CPEB1: variants seen among roughly 807,000 people sequenced by gnomAD.
CPEB1 encodes the protein cytoplasmic polyadenylation element-binding protein 1.
In CPEB1, 7 loss-of-function variants were observed where a neutral mutation model predicts 65.8. That is an observed-to-expected ratio of 0.11 (90% CI 0.06 to 0.20). CPEB1 has a LOEUF of 0.20. CPEB1 is among the 10% of genes least tolerant of loss of function. The probability of loss-of-function intolerance (pLI) is 1.00; values close to 1 mark genes in which losing one functional copy is unlikely to be tolerated. For synonymous variants in CPEB1, 262 were observed against 260.0 expected (o/e 1.01, Z -0.08); for missense variants, 551 against 712.2 (o/e 0.77, Z 2.58).
At chr15:82,618,271 A>G (rs1367506641) in intron 3 of CPEB1, among the ~76,000 whole-genome samples, 2 of 152,218 alleles carry the variant, frequency 1.3e-5, no homozygotes, top group Non-Finnish European at 1.5e-5. Context: ...TCTCAATTTT[A>G]GACATTCTAA....
intron 3 of CPEB1, among the ~76,000 whole-genome samples, chr15:82,582,762 GAC>G (rs1282170269): frequency 9.4e-6 from 1 of 106,060 alleles, no homozygotes; most frequent in African/African-American, 3.8e-5. Flanking sequence ...TTTTTTTTGA[GAC>G]ACAGTCTCAC....
At chr15:82,604,989 G>A (rs1329065903) in intron 3 of CPEB1, among the ~76,000 whole-genome samples, 1 of 152,138 alleles carries the variant, frequency 6.6e-6, no homozygotes, top group African/African-American at 2.4e-5. Context: ...GGGCAAAACT[G>A]CAAGAGAGAA....
At chr15:82,622,477 T>G (rs1024029556) in intron 3 of CPEB1, among the ~76,000 whole-genome samples, 3 of 152,140 alleles carry the variant, frequency 2.0e-5, no homozygotes, top group African/African-American at 7.2e-5. Flanking sequence ...CTCGGCTCAC[T>G]GCAACCTCCG....
intron 1 of CPEB1, chr15:82,628,869 A>T (rs2045996360): frequency 5.9e-6 from 1 of 170,902 alleles, no homozygotes; most frequent in Admixed American, 5.5e-5. Context: ...AGCCTACTTT[A>T]TCGTAAGAAT....
chr15:82,575,943 CAT>C (rs1290854161), intron 3 of CPEB1, among the ~76,000 whole-genome samples: 2 of 152,154 alleles, frequency 1.3e-5, no homozygotes, highest in Non-Finnish European at 2.9e-5. Context: ...ACAACTAACA[CAT>C]ATTATCTTAT....
At chr15:82,548,317 G>A (rs1361240281) in intron 10 of CPEB1, among the ~76,000 whole-genome samples, 1 of 152,218 alleles carries the variant, frequency 6.6e-6, no homozygotes, top group African/African-American at 2.4e-5. Flanking sequence ...CACGGCAACA[G>A]AGTGAGACTC....
chr15:82,587,070 C>A (rs556687270), intron 3 of CPEB1, among the ~76,000 whole-genome samples: 2 of 151,998 alleles, frequency 1.3e-5, no homozygotes, highest in Non-Finnish European at 2.9e-5. Flanking sequence ...ATTTAAAAGA[C>A]TAACAGAAAA....
At chr15:82,601,606 A>C (rs1407244737) in intron 3 of CPEB1, among the ~76,000 whole-genome samples, 3 of 152,176 alleles carry the variant, frequency 2.0e-5, no homozygotes, top group Non-Finnish European at 4.4e-5. Flanking sequence ...AGAATGGATT[A>C]AAAACCAATA....
At chr15:82,604,189 A>C (rs2043358237) in intron 3 of CPEB1, among the ~76,000 whole-genome samples, 1 of 152,148 alleles carries the variant, frequency 6.6e-6, no homozygotes, top group Non-Finnish European at 1.5e-5. Flanking sequence ...TTGCTACAAA[A>C]AACAAAACAA....
chr15:82,626,098 C>T (rs997385255), intron 3 of CPEB1, among the ~76,000 whole-genome samples: 3 of 147,052 alleles, frequency 2.0e-5, no homozygotes, highest in South Asian at 2.2e-4. Context: ...CCAACCTGGG[C>T]GAAAGAGCTA....
chr15:82,637,835 A>C, intron 1 of CPEB1: 1 of 319,556 alleles, frequency 3.1e-6, no homozygotes, highest in East Asian at 7.5e-5. Context: ...GGTAATTTTA[A>C]GTACTTTTAA....
intron 3 of CPEB1, among the ~76,000 whole-genome samples, chr15:82,583,120 C>T (rs1199008762): frequency 2.0e-5 from 3 of 152,202 alleles, no homozygotes; most frequent in South Asian, 2.1e-4. Flanking sequence ...TCTAAGATTT[C>T]GCTGCTATGT....
chr15:82,588,034 AC>A (rs2041939972), intron 3 of CPEB1, among the ~76,000 whole-genome samples: 1 of 151,666 alleles, frequency 6.6e-6, no homozygotes, highest in Non-Finnish European at 1.5e-5. Context: ...CGATCCTCCC[AC>A]CTCAGCCCCT....
intron 3 of CPEB1, among the ~76,000 whole-genome samples, chr15:82,581,650 T>C (rs2041291750): frequency 6.6e-6 from 1 of 152,224 alleles, no homozygotes; most frequent in Non-Finnish European, 1.5e-5. Flanking sequence ...TGTAAACTGG[T>C]ATCTCATTGC....
At chr15:82,648,246 C>T, upstream of CPEB1, 1 of 222,738 alleles carries the variant, frequency 4.5e-6, no homozygotes, top group Non-Finnish European at 8.8e-6. Flanking sequence ...GAGTCACTGT[C>T]TGCCCTGGGC....
chr15:82,628,709 A>G (rs1015791408), intron 1 of CPEB1, 153 bp from the exon 2 acceptor site: 9 of 460,250 alleles, frequency 2.0e-5, no homozygotes, highest in Non-Finnish European at 3.1e-5. Context: ...CACCTTTGCC[A>G]CCCCTGAGAG....
Position 82,556,088 on chromosome 15 carries a change from A to G in CPEB1, c.722T>C (p.Leu241Pro). 2 of 1,610,296 alleles carry G rather than the reference A, an allele frequency of 1.2e-6. No individual in the cohort carries two copies. The highest frequency in any genetic ancestry group is 2.2e-5 in the South Asian group (2 of 89,956). ...SLRISPPLPF[L>P]SLSGGGPRDP... ...TCTGGGACCACCCCCTGACAGAGACAGGAAGGGCAGAGGTGGAGAAATGCG... is the reference window on the plus strand; with the variant it reads ...TCTGGGACCACCCCCTGACAGAGACGGGAAGGGCAGAGGTGGAGAAATGCG... Residue 241 changes from leucine (L) to proline (P), a missense_variant, in exon 6 of 13, where the codon CTG becomes CCG. Leu to Pro is a moderately conservative substitution (Grantham distance 98, BLOSUM62 -3). Around this residue, in one of 6 missense-constraint regions of CPEB1, gnomAD observed 128 missense variants for 129.1 expected, o/e 0.99. Coordinates refer to ENST00000684509, the MANE Select transcript of CPEB1 (RefSeq NM_001365242.1).
chr15:82,632,010 C>T (rs1329046710), intron 1 of CPEB1, among the ~76,000 whole-genome samples: 1 of 118,942 alleles, frequency 8.4e-6, no homozygotes, highest in South Asian at 2.7e-4. Context: ...GAGACGGAGT[C>T]TCGTTCTGTC....
At chr15:82,577,937 G>A (rs1453965888) in intron 3 of CPEB1, among the ~76,000 whole-genome samples, 1 of 151,946 alleles carries the variant, frequency 6.6e-6, no homozygotes, top group African/African-American at 2.4e-5. Flanking sequence ...TCAGGAGATC[G>A]AGACCATCCT....
Sources: gnomAD v4.1 joint callset for allele counts (sites outside exome capture counted in the v4.1 genomes callset) on GRCh38, gnomAD v4.1.1 for gene constraint, gnomAD v4.1.1 regional missense constraint, MANE v1.5 for transcripts, NCBI Gene and HGNC (gene_info 2026-07-23, HGNC 2026-07-21) for gene names.